The following RFX4 variants were observed in gnomAD, a reference collection of about 807,000 sequenced individuals.
RFX4 encodes the protein regulatory factor X4, also known as transcription factor RFX4.
Under a neutral mutation model 95.0 loss-of-function variants are expected in RFX4, and 10 were observed. The ratio of observed to expected loss-of-function variants is 0.11; its 90% CI spans 0.06 to 0.18. The LOEUF (loss-of-function observed/expected upper bound fraction) is 0.18. Ranked by LOEUF, RFX4 falls within the 10% of genes least tolerant of loss-of-function variation. The pLI is 1.00. For synonymous variants in RFX4, 321 were observed against 340.7 expected, an observed-to-expected ratio of 0.94 and a Z score of 0.64; for missense variants, 640 against 922.0, an observed-to-expected ratio of 0.69 and a Z score of 3.96.
At position 106,761,270 on chromosome 12, in the gene RFX4, C is replaced by A. The variant is rs180958237; in HGVS notation, c.2009C>A (p.Pro670Gln). The A allele has an allele frequency of 5.6e-6, 9 of 1,614,136 alleles. No homozygotes were observed. The East Asian group carries it at 2.0e-4, about 36-fold the overall frequency. ...MSSTPRLHPT[P>Q]VTPRWPEVPS... Reference sequence around the variant, plus strand: ...AGTACTCCCAGACTGCATCCTACCCCAGTCACTCCCCGCTGGCCAGAGGTG... The same window carrying A: ...AGTACTCCCAGACTGCATCCTACCCAAGTCACTCCCCGCTGGCCAGAGGTG... Residue 670 changes from proline (P) to glutamine (Q), a missense_variant, in exon 18 of 18, where the codon CCA (proline) becomes CAA (glutamine). Pro to Gln is a moderately conservative substitution (Grantham distance 76, BLOSUM62 -1). Coordinates refer to ENST00000392842, the MANE Select transcript of RFX4 (RefSeq NM_213594.3).
At chr12:106,749,717 C>T (rs996016883) in intron 16 of RFX4, among the ~76,000 whole-genome samples, 2 of 152,098 alleles carry the variant, frequency 1.3e-5, no homozygotes, top group African/African-American at 4.8e-5. Context: ...GGAGTGTGTT[C>T]ACACATACGA....
At chr12:106,734,749 G>A (rs747521553) in intron 15 of RFX4, among the ~76,000 whole-genome samples, 7 of 152,022 alleles carry the variant, frequency 4.6e-5, no homozygotes, top group Non-Finnish European at 7.4e-5. Context: ...AACCTGAAAA[G>A]TATTGTTAAG....
intron 15 of RFX4, among the ~76,000 whole-genome samples, chr12:106,743,607 T>A (rs2042843788): frequency 6.6e-6 from 1 of 152,202 alleles, no homozygotes; most frequent in African/African-American, 2.4e-5. Context: ...ACAAATTCAA[T>A]GGAACGAAAA....
At chr12:106,602,825 A>G (rs2039739779) in intron 1 of RFX4, among the ~76,000 whole-genome samples, 1 of 152,116 alleles carries the variant, frequency 6.6e-6, no homozygotes, top group Non-Finnish European at 1.5e-5. Flanking sequence ...CTTCATCACA[A>G]GCATCGCTAC....
intron 17 of RFX4, among the ~76,000 whole-genome samples, chr12:106,751,842 T>C (rs1001871058): frequency 3.4e-4 from 51 of 152,012 alleles, no homozygotes; most frequent in African/African-American, 1.1e-3. Context: ...TATTAGCCCT[T>C]TGTCAGATGA....
intron 15 of RFX4, among the ~76,000 whole-genome samples, chr12:106,744,835 T>C (rs548934380): frequency 2.0e-5 from 3 of 152,262 alleles, no homozygotes; most frequent in South Asian, 4.1e-4. Context: ...AACTGGACTT[T>C]TGTGTGATGC....
In RFX4 at chr12:106,586,843, C is replaced by T. The variant is rs560931382; in HGVS notation, c.43+3480C>T. Among the ~76,000 whole-genome samples, 1 of 152,366 alleles carries T rather than the reference C, an allele frequency of 6.6e-6. No individual in the cohort carries two copies. The highest frequency in any genetic ancestry group is 2.1e-4 in the South Asian group (1 of 4,832). The stretch of plus-strand genomic sequence containing the variant: ...CGTCCTGGAGGGAACAGGGCCCGAG[C>T]CTCCTCCATTCTTGCCCAGGCACAG... On this transcript the variant is annotated intron_variant, in intron 1 of 17. Coordinates refer to ENST00000392842, the MANE Select transcript of RFX4 (RefSeq NM_213594.3). The surrounding 1 kb of genome is among the most constrained non-coding windows in gnomAD (Gnocchi z 5.6).
At chr12:106,605,006 G>C in intron 1 of RFX4, among the ~76,000 whole-genome samples, 1 of 152,218 alleles carries the variant, frequency 6.6e-6, no homozygotes, top group East Asian at 1.9e-4. Flanking sequence ...CTTTGGACGA[G>C]TCACTGAATC....
intron 1 of RFX4, among the ~76,000 whole-genome samples, chr12:106,602,889 T>C (rs891868302): frequency 5.3e-5 from 8 of 152,152 alleles, no homozygotes; most frequent in African/African-American, 1.7e-4. Context: ...CTGAACAAGA[T>C]AGACAAGGTC....
At chr12:106,705,690 T>C (rs1226184620) in intron 8 of RFX4, among the ~76,000 whole-genome samples, 1 of 151,988 alleles carries the variant, frequency 6.6e-6, no homozygotes, top group Non-Finnish European at 1.5e-5. Context: ...TGGAGGCTAG[T>C]GCTGCAGGGA....
At chr12:106,741,077 GC>G (rs1448427840) in intron 15 of RFX4, among the ~76,000 whole-genome samples, 1 of 152,160 alleles carries the variant, frequency 6.6e-6, no homozygotes, top group Non-Finnish European at 1.5e-5. Flanking sequence ...TTCATTTGCT[GC>G]CCCGGTCAGT....
At chr12:106,724,927 G>A (rs563066030) in intron 13 of RFX4, among the ~76,000 whole-genome samples, 12 of 151,204 alleles carry the variant, frequency 7.9e-5, no homozygotes, top group Non-Finnish European at 1.5e-4. Flanking sequence ...CAGGAGAATC[G>A]CTTGAACCCA....
intron 7 of RFX4, among the ~76,000 whole-genome samples, chr12:106,693,925 C>T (rs1025724382): frequency 3.9e-5 from 6 of 152,182 alleles, no homozygotes; most frequent in African/African-American, 1.4e-4. Context: ...GCACTAGAAG[C>T]ACTTTTTAGA....
intron 13 of RFX4, among the ~76,000 whole-genome samples, chr12:106,729,552 G>A (rs770651362): frequency 4.6e-5 from 7 of 152,130 alleles, no homozygotes; most frequent in African/African-American, 7.2e-5. Flanking sequence ...TGGTTCTGCC[G>A]CTTAATGACT....
intron 3 of RFX4, among the ~76,000 whole-genome samples, chr12:106,645,671 GAAGA>G (rs1483796124): frequency 6.6e-6 from 1 of 152,210 alleles, no homozygotes; most frequent in Non-Finnish European, 1.5e-5. Context: ...CTGTTCCAAA[GAAGA>G]AATACATTGA....
intron 16 of RFX4, among the ~76,000 whole-genome samples, chr12:106,748,235 T>C (rs2136088373): frequency 6.6e-6 from 1 of 152,296 alleles, no homozygotes; most frequent in African/African-American, 2.4e-5. Flanking sequence ...CCCTCTTTAC[T>C]CCTTTAACGC....
intron 1 of RFX4, among the ~76,000 whole-genome samples, chr12:106,604,669 A>T (rs2039787958): frequency 6.6e-6 from 1 of 152,190 alleles, no homozygotes; most frequent in South Asian, 2.1e-4. Flanking sequence ...TACAGGAAAA[A>T]TTTTATAACA....
chr12:106,603,420 C>A (rs1403069894), intron 1 of RFX4, among the ~76,000 whole-genome samples: 3 of 152,294 alleles, frequency 2.0e-5, no homozygotes, highest in Admixed American at 6.5e-5. Context: ...GTCCAAAGTG[C>A]AGAGGCATAA....
intron 11 of RFX4, among the ~76,000 whole-genome samples, chr12:106,717,134 C>G (rs1490821141): frequency 6.6e-6 from 1 of 152,172 alleles, no homozygotes; most frequent in East Asian, 1.9e-4. Context: ...AAGCATGGCC[C>G]TGCACACCCT....
Sources: gnomAD v4.1 joint callset for allele counts (sites outside exome capture counted in the v4.1 genomes callset) on GRCh38, gnomAD v4.1.1 for gene constraint, Gnocchi (gnomAD v3.1) non-coding constraint, MANE v1.5 for transcripts, NCBI Gene and HGNC (gene_info 2026-07-23, HGNC 2026-07-21) for gene names.